Variants in PPP2R5A observed in about 807,000 individuals in gnomAD.
PPP2R5A encodes the protein serine/threonine-protein phosphatase 2A 56 kDa regulatory subunit alpha isoform.
PPP2R5A carries 25 observed loss-of-function variants against 64.2 expected under a neutral mutation model. That is an observed-to-expected ratio of 0.39 (90% CI 0.28 to 0.54). PPP2R5A has a LOEUF of 0.54. PPP2R5A is among the 20% of genes least tolerant of loss of function. The probability of loss-of-function intolerance (pLI) is 0.67; values close to 1 mark genes in which losing one functional copy is unlikely to be tolerated. For synonymous variants in PPP2R5A, 198 were observed against 201.2 expected (o/e 0.98, Z 0.13); for missense variants, 425 against 576.3 (o/e 0.74, Z 2.69).
rs563090602 is a variant in PPP2R5A, at chr1:212,311,313, G to A, written c.182-17822G>A. Among the ~76,000 whole-genome samples, 254 of 151,940 alleles carry A rather than the reference G, an allele frequency of 1.7e-3. 1 individual carries two copies. The highest frequency in any genetic ancestry group is 4.9e-3 in the African/African-American group (204 of 41,432). ...GAAACCCCGTCTCTACTAAAAATAC[G>A]AAAAATTAGTCGGGTGTGGTGGCAG... On this transcript the variant is annotated intron_variant, in intron 1 of 12. Transcript: ENST00000261461.
At chr1:212,332,834 T>C (rs752102688) in intron 2 of PPP2R5A, among the ~76,000 whole-genome samples, 7 of 152,146 alleles carry the variant, frequency 4.6e-5, no homozygotes, top group Non-Finnish European at 7.4e-5. Flanking sequence ...AGTAACTTTT[T>C]CCCTCGAATT....
intron 3 of PPP2R5A, among the ~76,000 whole-genome samples, chr1:212,339,058 C>T (rs1571603213): frequency 2.0e-5 from 3 of 152,266 alleles, no homozygotes; most frequent in Admixed American, 1.3e-4. Flanking sequence ...TAGAGAGTGA[C>T]ACTGGGACAG....
At chr1:212,332,693 G>A (rs1340332787) in intron 2 of PPP2R5A, among the ~76,000 whole-genome samples, 1 of 152,044 alleles carries the variant, frequency 6.6e-6, no homozygotes, top group African/African-American at 2.4e-5. Context: ...CCTTAGTGTG[G>A]TATGTATGTA....
At chr1:212,321,161 T>A (rs1451108336) in intron 1 of PPP2R5A, among the ~76,000 whole-genome samples, 1 of 140,804 alleles carries the variant, frequency 7.1e-6, no homozygotes, top group East Asian at 2.2e-4. Flanking sequence ...GCCCCTCACC[T>A]CCTGGATGGG....
At chr1:212,342,372 TA>T in intron 4 of PPP2R5A, 92 bp downstream of exon 4, 2 of 1,442,438 alleles carry the variant, frequency 1.4e-6, no homozygotes. Flanking sequence ...TTCAAAACTT[TA>T]ATGGTTTAAT....
intron 8 of PPP2R5A, chr1:212,352,749 C>T (rs908630254): frequency 2.1e-5 from 11 of 516,960 alleles, no homozygotes; most frequent in African/African-American, 3.9e-5. Flanking sequence ...CATGCCTGGC[C>T]TGCATTCATT....
Position 212,323,757 on chromosome 1 carries a change from C to G in PPP2R5A, c.182-5378C>G, listed in dbSNP as rs187967523. Among the ~76,000 whole-genome samples, 436 of 152,146 alleles carry G rather than the reference C, an allele frequency of 2.9e-3. 3 individuals carry two copies. The highest frequency in any genetic ancestry group is 6.8e-3 in the Middle Eastern group (2 of 292). ...AGAGGAGACCCAGGAGTTAGGTGCC[C>G]AGAGAAAGTCTTTTTTAAAAAATGT... is the stretch of plus-strand genomic sequence containing the variant. On this transcript the variant is annotated intron_variant, in intron 1 of 12. Coordinates refer to ENST00000261461, the MANE Select transcript of PPP2R5A (RefSeq NM_006243.4).
At chr1:212,330,094 G>A (rs2102433323) in intron 2 of PPP2R5A, among the ~76,000 whole-genome samples, 1 of 152,272 alleles carries the variant, frequency 6.6e-6, no homozygotes, top group Non-Finnish European at 1.5e-5. Flanking sequence ...AAAAAAAACT[G>A]CAGCCAACTT....
intron 1 of PPP2R5A, among the ~76,000 whole-genome samples, chr1:212,294,063 T>C (rs964327375): frequency 2.6e-5 from 4 of 152,228 alleles, no homozygotes; most frequent in African/African-American, 9.6e-5. Flanking sequence ...GAAACAAGAA[T>C]TTTTAAATGG....
intron 1 of PPP2R5A, among the ~76,000 whole-genome samples, chr1:212,291,121 T>A (rs1038203306): frequency 6.6e-6 from 1 of 152,128 alleles, no homozygotes. Flanking sequence ...TTTATTTTAT[T>A]TTTTTTCAGA....
chr1:212,341,596 T>C (rs1659685478), intron 3 of PPP2R5A, among the ~76,000 whole-genome samples: 1 of 152,152 alleles, frequency 6.6e-6, no homozygotes, highest in Non-Finnish European at 1.5e-5. Context: ...AATATTTAAT[T>C]TTATAGGCAT....
intron 1 of PPP2R5A, among the ~76,000 whole-genome samples, chr1:212,322,219 GGGGAGAGGGAGA>G (rs371479193): frequency 8.5e-6 from 1 of 117,672 alleles, no homozygotes; most frequent in Non-Finnish European, 1.6e-5. Context: ...GGGAGACTGT[GGGGAGAGGGAGA>G]GGGAGAGGGA....
At chr1:212,300,418 G>A (rs1227845470) in intron 1 of PPP2R5A, among the ~76,000 whole-genome samples, 1 of 150,024 alleles carries the variant, frequency 6.7e-6, no homozygotes, top group Non-Finnish European at 1.5e-5. Flanking sequence ...GTAATGGGAA[G>A]TGTCATATTT....
In PPP2R5A at chr1:212,329,219, C is replaced by T; in HGVS notation, c.266C>T (p.Ser89Leu). 1 of 1,613,432 alleles carries T rather than the reference C, an allele frequency of 6.2e-7. No homozygotes were observed. The change falls in exon 2 of 13, where the codon TCA becomes TTA. Residue 89 changes from serine to leucine, a missense_variant. Around this residue, in one of 4 missense-constraint regions of PPP2R5A, gnomAD observed 140 missense variants for 204.4 expected, o/e 0.68. Transcript: ENST00000261461. ...CTGTTTGATTTCATGGACTCTGTTT[C>T]AGACTTGAAGAGCAAAGAAATTAAA... ...CILFDFMDSV[S>L]DLKSKEIKRA...
intron 8 of PPP2R5A, among the ~76,000 whole-genome samples, chr1:212,354,174 ACT>A (rs1659937011): frequency 6.6e-6 from 1 of 151,968 alleles, no homozygotes; most frequent in Admixed American, 6.6e-5. Flanking sequence ...ACAGAGCGAG[ACT>A]CTGTCTCAAA....
intron 3 of PPP2R5A, among the ~76,000 whole-genome samples, chr1:212,335,317 A>G (rs761451600): frequency 1.3e-5 from 2 of 151,986 alleles, no homozygotes; most frequent in Non-Finnish European, 2.9e-5. Flanking sequence ...CTCTACTAAA[A>G]ATACAAAATT....
At chr1:212,296,372 TTAAC>T (rs1658691236) in intron 1 of PPP2R5A, among the ~76,000 whole-genome samples, 1 of 152,262 alleles carries the variant, frequency 6.6e-6, no homozygotes, top group Non-Finnish European at 1.5e-5. Flanking sequence ...TTTCTATACA[TTAAC>T]TATATTCTTT....
intron 8 of PPP2R5A, chr1:212,352,701 T>G (rs1659908702): frequency 2.1e-6 from 1 of 468,974 alleles, no homozygotes; most frequent in Admixed American, 2.5e-5. Context: ...AAGCCTGCCT[T>G]GGCCTCCCAA....
At chr1:212,305,203 A>T (rs987538239) in intron 1 of PPP2R5A, among the ~76,000 whole-genome samples, 9 of 150,856 alleles carry the variant, frequency 6.0e-5, no homozygotes, top group Admixed American at 1.3e-4. Flanking sequence ...CGCCTGGCTA[A>T]TGTTTTGTAT....
Sources: gnomAD v4.1 joint callset for allele counts (sites outside exome capture counted in the v4.1 genomes callset) on GRCh38, gnomAD v4.1.1 for gene constraint, gnomAD v4.1.1 regional missense constraint, MANE v1.5 for transcripts, NCBI Gene and HGNC (gene_info 2026-07-23, HGNC 2026-07-21) for gene names.